CDC42BPB: variants seen among roughly 807,000 people sequenced by gnomAD.
The protein encoded by CDC42BPB is serine/threonine-protein kinase MRCK beta.
Under a neutral mutation model 214.9 loss-of-function variants are expected in CDC42BPB, and 37 were observed. The observed-to-expected ratio is 0.17, with a 90% CI of 0.13 to 0.23. CDC42BPB has a LOEUF of 0.23. Among genes scored for constraint, CDC42BPB ranks in the 10% least tolerant of loss-of-function variants. The pLI, the probability that CDC42BPB is intolerant of heterozygous loss-of-function variation, is 1.00. For synonymous variants in CDC42BPB, 931 were observed against 884.0 expected, an observed-to-expected ratio of 1.05 and a Z score of -0.94; for missense variants, 1,694 against 2,227.0, an observed-to-expected ratio of 0.76 and a Z score of 4.82.
intron 1 of CDC42BPB, among the ~76,000 whole-genome samples, chr14:103,056,437 G>C (rs1394240726): frequency 6.6e-6 from 1 of 152,204 alleles, no homozygotes; most frequent in Non-Finnish European, 1.5e-5. Flanking sequence ...GGGGATGCAA[G>C]GGGGTCCCAC....
intron 4 of CDC42BPB, chr14:102,999,920 C>G: frequency 1.0e-6 from 1 of 985,196 alleles, no homozygotes; most frequent in Non-Finnish European, 1.2e-6. Flanking sequence ...GTGCATATGG[C>G]AGAGAGTGGA....
chr14:103,055,621 C>T (rs1888905741), intron 1 of CDC42BPB, among the ~76,000 whole-genome samples: 1 of 152,248 alleles, frequency 6.6e-6, no homozygotes, highest in South Asian at 2.1e-4. Context: ...AATAAAGCAT[C>T]ACAGGCTGTC....
intron 5 of CDC42BPB, among the ~76,000 whole-genome samples, chr14:102,992,931 C>T (rs941551687): frequency 2.0e-5 from 3 of 151,734 alleles, no homozygotes; most frequent in African/African-American, 7.3e-5. Flanking sequence ...TGGGTTCAAG[C>T]GATTCTCATA....
At position 103,004,066 on chromosome 14, in the gene CDC42BPB, C is replaced by T. The variant is rs766332058; in HGVS notation, c.352-43G>A. 4 of 1,549,066 alleles carry T rather than the reference C, an allele frequency of 2.6e-6. No homozygotes were observed. In the Admixed American group the frequency reaches 7.3e-5, roughly 28 times the overall value. On this transcript the variant is annotated intron_variant, in intron 3 of 36. Coordinates refer to ENST00000361246, the MANE Select transcript of CDC42BPB (RefSeq NM_006035.4). This position sits in a 1 kb window ranked among gnomAD's most constrained non-coding sequence, Gnocchi z 5.3. ...GTGTCAGTCTGTGTTCACTGGGAAGCAGGCCAGAGAGCGTACTGCCGGTCT... is the reference window on the plus strand; with the variant it reads ...GTGTCAGTCTGTGTTCACTGGGAAGTAGGCCAGAGAGCGTACTGCCGGTCT...
chr14:102,974,221 TTAC>T, intron 11 of CDC42BPB, 72 bp from the exon 12 acceptor site: 1 of 1,567,682 alleles, frequency 6.4e-7, no homozygotes, highest in Non-Finnish European at 8.6e-7. Flanking sequence ...GTTAGCTGAC[TTAC>T]TGACAGGAAA....
chr14:102,974,269 G>A (rs1893629230), intron 11 of CDC42BPB, 120 bp from the exon 12 acceptor site: 36 of 1,425,946 alleles, frequency 2.5e-5, no homozygotes, highest in Non-Finnish European at 3.2e-5. Context: ...TTCATTCAGA[G>A]GTTTTTTTAC....
intron 5 of CDC42BPB, among the ~76,000 whole-genome samples, chr14:102,990,468 G>A (rs1352991926): frequency 2.0e-5 from 3 of 152,192 alleles, no homozygotes; most frequent in African/African-American, 7.2e-5. Context: ...GGTGCTGGGA[G>A]TCACAGTTTC....
Position 102,950,570 on chromosome 14 carries a change from C to T in CDC42BPB, c.3205G>A (p.Asp1069Asn). Reference protein sequence around the residue: ...CSFACHVSCKDGAPQVCPIPP... With the variant: ...CSFACHVSCKNGAPQVCPIPP... ...ATTGGGCACACCTGGGGGGCACCGTCTTTGCAGGACACGTGGCAAGCAAAG... is the reference window on the plus strand; with the variant it reads ...ATTGGGCACACCTGGGGGGCACCGTTTTTGCAGGACACGTGGCAAGCAAAG... Residue 1069 changes from aspartate to asparagine, a missense_variant, in exon 25 of 37, where the codon GAC becomes AAC. Coordinates refer to ENST00000361246, the MANE Select transcript of CDC42BPB (RefSeq NM_006035.4). 4 of 1,602,954 alleles carry T rather than the reference C, an allele frequency of 2.5e-6. No homozygotes were observed. The highest frequency in any genetic ancestry group is 2.6e-6 in the Non-Finnish European group (3 of 1,174,662).
chr14:103,048,846 C>A (rs1181554647), intron 1 of CDC42BPB, among the ~76,000 whole-genome samples: 1 of 151,948 alleles, frequency 6.6e-6, no homozygotes, highest in Non-Finnish European at 1.5e-5. Flanking sequence ...TGCACTCCAG[C>A]CTGGGCAACA....
chr14:102,980,833 A>G lies in CDC42BPB; in HGVS notation c.1080T>C (p.Asp360=), dbSNP rs779333098. Residue 360 remains aspartate, a synonymous_variant, in exon 8 of 37, where the codon GAT becomes GAC. Coordinates refer to ENST00000361246, the MANE Select transcript of CDC42BPB (RefSeq NM_006035.4). ...TGGATGTGTCAGAGGGACTGCTCAC[A>G]TCAGGAATATAAGGTGCTTCTAGGT... is the stretch of plus-strand genomic sequence containing the variant. The part of the protein sequence containing the change: ...IRNLEAPYIP[D]VSSPSDTSNF... 1 of 1,614,222 alleles carries G rather than the reference A, an allele frequency of 6.2e-7. No individual in the cohort carries two copies. Among genetic ancestry groups the G allele is most frequent in the Non-Finnish European group, 8.5e-7 (1 of 1,180,028 alleles).
chr14:102,942,776 A>G (rs1389369786), intron 30 of CDC42BPB, among the ~76,000 whole-genome samples: 1 of 118,826 alleles, frequency 8.4e-6, no homozygotes, highest in Non-Finnish European at 1.8e-5. Flanking sequence ...GCGATCTTGG[A>G]TCACTACAAC....
At chr14:102,933,898 C>T (rs1201441678) in intron 36 of CDC42BPB, 55 bp from the exon 37 acceptor site, 27 of 1,463,126 alleles carry the variant, frequency 1.8e-5, no homozygotes, top group Admixed American at 3.5e-5. Flanking sequence ...TGGGGAGGCA[C>T]GCGTGCCCAG....
At chr14:102,988,888 C>T (rs944149257) in intron 5 of CDC42BPB, among the ~76,000 whole-genome samples, 1 of 104,012 alleles carries the variant, frequency 9.6e-6, no homozygotes, top group Non-Finnish European at 2.1e-5. Flanking sequence ...AAAAAAAAAA[C>T]AAACAAACCA....
chr14:102,974,922 G>C (rs565090063), intron 11 of CDC42BPB, among the ~76,000 whole-genome samples: 47 of 152,120 alleles, frequency 3.1e-4, no homozygotes, highest in Non-Finnish European at 2.9e-4. Flanking sequence ...CTCCAGCCTG[G>C]GTGACAGAGT....
At position 102,947,289 on chromosome 14, in the gene CDC42BPB, T is replaced by C. The variant is rs576351966; in HGVS notation, c.3531+432A>G. The stretch of plus-strand genomic sequence containing the variant: ...ATTCAGTCTTCTAGGAACGTCCTAA[T>C]GCTACAATGTCTAACACTAACTCAG... On this transcript the variant is annotated intron_variant, in intron 27 of 36. Coordinates refer to ENST00000361246, the MANE Select transcript of CDC42BPB (RefSeq NM_006035.4). Among the ~76,000 whole-genome samples the C allele has an allele frequency of 6.6e-5, 10 of 152,292 alleles. 1 individual carries two copies. In the South Asian group the frequency reaches 2.1e-3, roughly 32 times the overall value.
rs1448380870 is a variant in CDC42BPB, at chr14:103,001,204, G to C, written c.448-1491C>G. 6.6e-6 allele frequency among the ~76,000 whole-genome samples: 1 copy of C among 152,120 alleles called. No homozygotes were observed. The highest frequency in any genetic ancestry group is 6.5e-5 in the Admixed American group (1 of 15,282). On this transcript the variant is annotated intron_variant, in intron 4 of 36. Transcript: ENST00000361246. The surrounding 1 kb of genome is among the most constrained non-coding windows in gnomAD (Gnocchi z 5.8). The stretch of plus-strand genomic sequence containing the variant: ...CCCCGCCCTGGCTCAGGCACTGCCC[G>C]TCCTTCCCCGCCGAGTTTTTCAATT...
chr14:102,937,995 G>T, intron 36 of CDC42BPB, 109 bp downstream of exon 36: 1 of 1,145,962 alleles, frequency 8.7e-7, no homozygotes, highest in Non-Finnish European at 1.3e-6. Context: ...ACCGCAAGTG[G>T]GGTGCTCCAA....
chr14:102,963,244 T>C, intron 19 of CDC42BPB, 89 bp from the exon 20 acceptor site: 2 of 1,502,912 alleles, frequency 1.3e-6, no homozygotes, highest in Non-Finnish European at 1.8e-6. Flanking sequence ...AGAGCCGGGA[T>C]TTCTCCCCAG....
intron 1 of CDC42BPB, among the ~76,000 whole-genome samples, chr14:103,036,508 A>G (rs1466821721): frequency 6.6e-6 from 1 of 152,164 alleles, no homozygotes; most frequent in African/African-American, 2.4e-5. Context: ...CTAAAACTAC[A>G]GTAATTCTGA....
Sources: gnomAD v4.1 joint callset for allele counts (sites outside exome capture counted in the v4.1 genomes callset) on GRCh38, gnomAD v4.1.1 for gene constraint, Gnocchi (gnomAD v3.1) non-coding constraint, MANE v1.5 for transcripts, NCBI Gene and HGNC (gene_info 2026-07-23, HGNC 2026-07-21) for gene names.